Variants in A2ML1 observed in about 807,000 individuals in gnomAD.
A2ML1 encodes alpha-2-macroglobulin like 1.
A neutral mutation model predicts 181.9 loss-of-function variants in A2ML1; 161 were observed. That is an observed-to-expected ratio of 0.89 (90% CI 0.78 to 1.01). A2ML1 has a LOEUF of 1.01. Among genes scored for constraint, A2ML1 ranks in the 50% least tolerant of loss-of-function variants. A2ML1 has a pLI of 0.00. For missense variants in A2ML1, 1,670 were observed against 1,768.1 expected, an observed-to-expected ratio of 0.94 and a Z score of 1.00; for synonymous variants, 663 against 666.8, an observed-to-expected ratio of 0.99 and a Z score of 0.09.
At chr12:8,877,394 A>G (rs1286191843), downstream of A2ML1, among the ~76,000 whole-genome samples, 2 of 152,220 alleles carry the variant, frequency 1.3e-5, no homozygotes, top group Non-Finnish European at 2.9e-5. Flanking sequence ...CAACAGAGTA[A>G]ACAGACAGCC....
downstream of A2ML1, among the ~76,000 whole-genome samples, chr12:8,877,352 C>T (rs1235412958): frequency 1.3e-5 from 2 of 152,122 alleles, no homozygotes; most frequent in African/African-American, 4.8e-5. Flanking sequence ...CCTACTTAAA[C>T]TAAAGAGCTT....
At chr12:8,858,313 T>A in intron 26 of A2ML1, 1 of 533,070 alleles carries the variant, frequency 1.9e-6, no homozygotes. Context: ...CTGGGTGCAG[T>A]GGCTCATGCC....
At chr12:8,829,654 CAAAAAAAA>C (rs778132993) in intron 3 of A2ML1, 65 bp from the exon 4 acceptor site, 25 of 1,114,984 alleles carry the variant, frequency 2.2e-5, no homozygotes, top group African/African-American at 6.0e-5. Context: ...GACCCTGTAT[CAAAAAAAA>C]AAAAAAAAAA....
At chr12:8,859,923 AG>A (rs1289796705) in intron 26 of A2ML1, among the ~76,000 whole-genome samples, 1 of 152,114 alleles carries the variant, frequency 6.6e-6, no homozygotes, top group Non-Finnish European at 1.5e-5. Context: ...TCCTCTGTGT[AG>A]CCAAGGTTAG....
chr12:8,831,421 T>C (rs1181734178), intron 4 of A2ML1, among the ~76,000 whole-genome samples: 2 of 152,236 alleles, frequency 1.3e-5, no homozygotes, highest in African/African-American at 4.8e-5. Flanking sequence ...CCAGGTGTTC[T>C]GTTTTCTGCA....
chr12:8,847,635 G>C lies in A2ML1; in HGVS notation c.1770G>C (p.Ala590=), dbSNP rs373656984. The change falls in exon 15 of 36, where the codon GCG becomes GCC. Residue 590 remains alanine, a synonymous_variant. Transcript: ENST00000299698. The stretch of plus-strand genomic sequence containing the variant: ...AGGCAGCTCCCGGATCCCTGTGTGC[G>C]CTCCGGGCGGTGGATGAGAGTGTCT... ...QLQAAPGSLC[A]LRAVDESVLL... is the part of the protein sequence containing the mutation. 2.5e-6 allele frequency: 4 copies of C among 1,613,546 alleles called. No homozygotes were observed. Among genetic ancestry groups the C allele is most frequent in the Admixed American group, 1.7e-5 (1 of 59,966 alleles).
At chr12:8,884,440 A>G (rs887732932) in intron 7 of A2ML1, among the ~76,000 whole-genome samples, 1 of 151,946 alleles carries the variant, frequency 6.6e-6, no homozygotes, top group African/African-American at 2.4e-5. Context: ...TCCGTCGAGT[A>G]GACTCCAGTG....
chr12:8,843,357 A>G lies in A2ML1; in HGVS notation c.1472A>G (p.Tyr491Cys). The change falls in exon 12 of 36, where the codon TAC becomes TGC. Residue 491 changes from tyrosine (Y) to cysteine (C), a missense_variant. Physicochemically the swap from Tyr to Cys is radical, Grantham distance 194. Coordinates refer to ENST00000299698, the MANE Select transcript of A2ML1 (RefSeq NM_144670.6). ...CCTGACCAAGAGATCAGCTTCTCCT[A>G]CTATGTGAGACCGGGAAACGGGGAC... ...ASPDQEISFS[Y>C]YLIGKGSLVM... The G allele has an allele frequency of 6.2e-7, 1 of 1,612,658 alleles. No homozygotes were observed. The highest frequency in any genetic ancestry group is 2.2e-5 in the East Asian group (1 of 44,828).
Position 8,823,379 on chromosome 12 carries a change from C to G in A2ML1, c.246+14C>G, listed in dbSNP as rs1439931234. 1 of 1,608,720 alleles carries G rather than the reference C, an allele frequency of 6.2e-7. No individual in the cohort carries two copies. The highest frequency in any genetic ancestry group is 8.5e-7 in the Non-Finnish European group (1 of 1,176,940). Reference sequence around the variant, plus strand: ...ATCTCCTTTCTTGTAAGCACAGACTCAGCCCTCACTCGAATCCCTTACTTG... The same window carrying G: ...ATCTCCTTTCTTGTAAGCACAGACTGAGCCCTCACTCGAATCCCTTACTTG... On this transcript the variant is annotated intron_variant, in intron 2 of 35. Coordinates refer to ENST00000299698, the MANE Select transcript of A2ML1 (RefSeq NM_144670.6).
chr12:8,868,926 ATTC>A (rs775672781), intron 32 of A2ML1, among the ~76,000 whole-genome samples: 27 of 152,256 alleles, frequency 1.8e-4, no homozygotes, highest in Non-Finnish European at 3.5e-4. Context: ...ATATGTATAT[ATTC>A]ATACACACAA....
chr12:8,872,075 TG>T (rs1242029397), intron 33 of A2ML1, among the ~76,000 whole-genome samples: 1 of 150,862 alleles, frequency 6.6e-6, no homozygotes, highest in Non-Finnish European at 1.5e-5. Context: ...GCTACTCAGG[TG>T]GCTGAGGCAC....
intron 12 of A2ML1, among the ~76,000 whole-genome samples, chr12:8,843,840 T>C (rs1422436393): frequency 6.6e-6 from 1 of 151,488 alleles, no homozygotes; most frequent in Non-Finnish European, 1.5e-5. Context: ...TGTCTCAGCC[T>C]CCCAAGTAGC....
Position 8,858,107 on chromosome 12 carries a change from G to A in A2ML1, c.3264+5G>A, listed in dbSNP as rs200006435. On this transcript the variant is annotated splice_donor_5th_base_variant and intron_variant, in intron 26 of 35. Coordinates refer to ENST00000299698, the MANE Select transcript of A2ML1 (RefSeq NM_144670.6). Reference sequence around the variant, plus strand: ...CTCCTTCACACAGCTATGAAGGTGCGGATCTGTCCAGGAGCCTGCAGCCAA... The same window carrying A: ...CTCCTTCACACAGCTATGAAGGTGCAGATCTGTCCAGGAGCCTGCAGCCAA... The A allele has an allele frequency of 2.4e-5, 39 of 1,613,614 alleles. No homozygotes were observed. The East Asian group carries it at 4.9e-4, about 20-fold the overall frequency.
chr12:8,842,368 G>A lies in A2ML1; in HGVS notation c.1249-766G>A, dbSNP rs748395775. Among the ~76,000 whole-genome samples, 195 of 150,666 alleles carry A rather than the reference G, an allele frequency of 1.3e-3. 1 individual carries two copies. The highest frequency in any genetic ancestry group is 4.1e-3 in the African/African-American group (170 of 41,306). ...CGAGTAGCTGGGACTACAGGCGCCT[G>A]CCACCACGCCCGGCTAATTTTTTGT... On this transcript the variant is annotated intron_variant, in intron 11 of 35. Coordinates refer to ENST00000299698, the MANE Select transcript of A2ML1 (RefSeq NM_144670.6).
At chr12:8,879,038 G>A (rs761766423), downstream of A2ML1, among the ~76,000 whole-genome samples, 2 of 152,138 alleles carry the variant, frequency 1.3e-5, no homozygotes, top group Non-Finnish European at 2.9e-5. Context: ...GGTCACAGTT[G>A]CATTAATTGT....
At chr12:8,856,011 A>C (rs150321778) in intron 23 of A2ML1, among the ~76,000 whole-genome samples, 1,545 of 152,318 alleles carry the variant, frequency 0.01, 29 homozygotes, top group African/African-American at 0.035. Flanking sequence ...AAAAGCATGA[A>C]CGTAGAAATC....
At chr12:8,863,744 G>A in intron 28 of A2ML1, 50 bp from the exon 29 acceptor site, 2 of 1,580,432 alleles carry the variant, frequency 1.3e-6, no homozygotes, top group Non-Finnish European at 1.7e-6. Context: ...GTGAATGTGG[G>A]AAAGCCAGTT....
chr12:8,835,652 G>A lies in A2ML1; in HGVS notation c.629G>A (p.Ser210Asn). 6.2e-7 allele frequency: 1 copy of A among 1,614,164 alleles called. No individual in the cohort carries two copies. ...VAEGKTFGTF[S>N]VEEYVLPKFK... ...GAGGGCAAGACCTTTGGTACTTTCA[G>A]TGTGGAGGAATATGGTAGGTGGGGA... Residue 210 changes from serine (S) to asparagine (N), a missense_variant, in exon 6 of 36, where the codon AGT becomes AAT. Transcript: ENST00000299698.
intron 27 of A2ML1, 60 bp from the exon 28 acceptor site, chr12:8,861,075 A>T: frequency 1.2e-6 from 2 of 1,607,468 alleles, no homozygotes; most frequent in Non-Finnish European, 1.7e-6. Flanking sequence ...TGATTTCCTG[A>T]TTACTTGCCA....
Sources: gnomAD v4.1 joint callset for allele counts (sites outside exome capture counted in the v4.1 genomes callset) on GRCh38, gnomAD v4.1.1 for gene constraint, MANE v1.5 for transcripts, NCBI Gene and HGNC (gene_info 2026-07-23, HGNC 2026-07-21) for gene names.